The following DNAH3 variants were observed in gnomAD, a reference collection of about 807,000 sequenced individuals.
The protein encoded by DNAH3 is axonemal beta dynein heavy chain 3.
Under a neutral mutation model 432.5 loss-of-function variants are expected in DNAH3, and 332 were observed. The ratio of observed to expected loss-of-function variants is 0.77; its 90% CI spans 0.70 to 0.84. The LOEUF (loss-of-function observed/expected upper bound fraction) is 0.84, where lower values mean the gene tolerates loss of function less well. DNAH3 is among the 40% of genes least tolerant of loss of function. The probability of loss-of-function intolerance (pLI) is 0.00; values close to 1 mark genes in which losing one functional copy is unlikely to be tolerated. For synonymous variants in DNAH3, 1,956 were observed against 1,900.2 expected (o/e 1.03, Z -0.76); for missense variants, 4,861 against 5,114.0 (o/e 0.95, Z 1.51).
At position 21,111,614 on chromosome 16, in the gene DNAH3, G is replaced by C. The variant is rs2092073684; in HGVS notation, c.2099+12C>G. On this transcript the variant is annotated intron_variant, in intron 14 of 61. Coordinates refer to ENST00000261383, the Ensembl canonical transcript of DNAH3. ...AATACCATTGCTATTTGTCTGCACA[G>C]AATTACAATACCTGGTATTGGTGTC... 3 of 1,605,862 alleles carry C rather than the reference G, an allele frequency of 1.9e-6. No individual in the cohort carries two copies. Among genetic ancestry groups the C allele is most frequent in the Non-Finnish European group, 1.7e-6 (2 of 1,173,284 alleles).
At chr16:21,116,951 G>C (rs1230040242) in intron 12 of DNAH3, among the ~76,000 whole-genome samples, 1 of 152,184 alleles carries the variant, frequency 6.6e-6, no homozygotes. Flanking sequence ...ACAACTATCA[G>C]ATAATGGAGG....
intron 44 of DNAH3, among the ~76,000 whole-genome samples, chr16:20,988,827 T>C (rs116494908): frequency 0.025 from 3,826 of 152,054 alleles, 181 homozygotes; most frequent in African/African-American, 0.088. Flanking sequence ...TCGAATGTGT[T>C]CGGAGTTTTT....
intron 19 of DNAH3, among the ~76,000 whole-genome samples, chr16:21,083,170 C>A (rs1187742824): frequency 6.6e-6 from 1 of 151,822 alleles, no homozygotes; most frequent in Non-Finnish European, 1.5e-5. Context: ...CGCATGGCAC[C>A]ACGCCCGGCT....
chr16:21,058,019 T>C lies in DNAH3; in HGVS notation c.3924+67A>G, dbSNP rs568315889. 3.8e-5 allele frequency: 37 copies of C among 968,456 alleles called. No homozygotes were observed. The African/African-American group carries it at 5.3e-4, about 14-fold the overall frequency. 60.0% of individuals were successfully genotyped at this position (968,456 alleles called of 1,614,324 possible). On this transcript the variant is annotated intron_variant, in intron 27 of 61. Transcript: ENST00000261383. ...AGACAACAAAACATGGCTACTCTAA[T>C]TATACGTCATTCAAATCCTAATTGA... is the stretch of plus-strand genomic sequence containing the variant.
intron 31 of DNAH3, among the ~76,000 whole-genome samples, chr16:21,043,219 C>T (rs62034890): frequency 2.0e-5 from 3 of 151,184 alleles, no homozygotes; most frequent in East Asian, 1.9e-4. Flanking sequence ...ATGGTATTTC[C>T]AGTTCTAGAT....
chr16:20,948,178 T>C (rs1351913943), intron 57 of DNAH3, among the ~76,000 whole-genome samples: 2 of 152,224 alleles, frequency 1.3e-5, no homozygotes, highest in Admixed American at 1.3e-4. Context: ...AATCTTCGTC[T>C]TCAAGTAGCA....
At chr16:20,993,354 T>C (rs568066434) in intron 44 of DNAH3, among the ~76,000 whole-genome samples, 17 of 152,314 alleles carry the variant, frequency 1.1e-4, no homozygotes, top group Admixed American at 3.3e-4. Flanking sequence ...AATAACCATA[T>C]ATTTAATGCT....
chr16:20,933,502 G>A lies in DNAH3; in HGVS notation c.12003C>T (p.Thr4001=), dbSNP rs35534240. Reference sequence around the variant, plus strand: ...TATTCTCCATCACTGTTTCTTGTGGGGTTACCTGGAAGAATAAAAAGCTAT... The same window carrying A: ...TATTCTCCATCACTGTTTCTTGTGGAGTTACCTGGAAGAATAAAAAGCTAT... Residue 4001 remains threonine, a synonymous_variant, in exon 62 of 62, where the codon ACC becomes ACT. Transcript: ENST00000261383. The A allele has an allele frequency of 4.4e-6, 7 of 1,578,270 alleles. No individual in the cohort carries two copies. The South Asian group carries it at 7.0e-5, about 16-fold the overall frequency.
At chr16:21,035,508 T>G (rs1265799451) in intron 35 of DNAH3, among the ~76,000 whole-genome samples, 1 of 152,152 alleles carries the variant, frequency 6.6e-6, no homozygotes, top group Non-Finnish European at 1.5e-5. Context: ...ATCCGCAAAT[T>G]ACTTTGAAAT....
intron 5 of DNAH3, among the ~76,000 whole-genome samples, chr16:21,137,614 G>C (rs1314189248): frequency 6.6e-6 from 1 of 151,850 alleles, no homozygotes; most frequent in African/African-American, 2.4e-5. Context: ...GTGGAGACGG[G>C]GTTTCACCAT....
At chr16:21,080,484 C>T (rs935248582) in intron 20 of DNAH3, among the ~76,000 whole-genome samples, 3 of 152,136 alleles carry the variant, frequency 2.0e-5, no homozygotes, top group Admixed American at 6.5e-5. Context: ...AGTATGTCTT[C>T]GAAATCCAGC....
At chr16:20,998,227 T>C (rs1007159859) in intron 43 of DNAH3, among the ~76,000 whole-genome samples, 16 of 152,144 alleles carry the variant, frequency 1.1e-4, no homozygotes, top group African/African-American at 3.9e-4. Context: ...GATGAGACCC[T>C]AGGCCTTGAG....
At chr16:21,129,642 C>A (rs1213751421) in intron 7 of DNAH3, among the ~76,000 whole-genome samples, 2 of 151,320 alleles carry the variant, frequency 1.3e-5, no homozygotes, top group African/African-American at 2.4e-5. Context: ...GAGGCTGAGG[C>A]AGGAGAATTG....
At chr16:21,068,907 T>C (rs2090672827) in intron 23 of DNAH3, among the ~76,000 whole-genome samples, 1 of 152,002 alleles carries the variant, frequency 6.6e-6, no homozygotes, top group Non-Finnish European at 1.5e-5. Context: ...CTATGTTACA[T>C]ATTTGTATTT....
chr16:20,936,733 G>C, exon 60 of DNAH3: 1 of 1,610,648 alleles, frequency 6.2e-7, no homozygotes. Context: ...CTGCCCACAT[G>C]GCTGGCACTT....
intron 42 of DNAH3, among the ~76,000 whole-genome samples, chr16:21,001,600 T>C (rs1157650733): frequency 1.3e-5 from 2 of 152,118 alleles, no homozygotes; most frequent in African/African-American, 4.8e-5. Flanking sequence ...GACAAGGGAA[T>C]TAAAGTTGAG....
chr16:20,954,934 G>T (rs1337243921), exon 55 of DNAH3: 2 of 1,614,172 alleles, frequency 1.2e-6, no homozygotes, highest in Admixed American at 1.7e-5. Context: ...CTGAGATGGG[G>T]TCATTGAGGT....
chr16:21,132,309 C>T (rs972194407), intron 7 of DNAH3, among the ~76,000 whole-genome samples: 4 of 152,160 alleles, frequency 2.6e-5, no homozygotes, highest in Non-Finnish European at 2.9e-5. Flanking sequence ...CTAATAAGTT[C>T]GGCCAATCAA....
In DNAH3 at chr16:21,134,310, A is replaced by G; in HGVS notation, c.1031T>C (p.Leu344Pro). 1 of 1,614,120 alleles carries G rather than the reference A, an allele frequency of 6.2e-7. No homozygotes were observed. The highest frequency in any genetic ancestry group is 8.5e-7 in the Non-Finnish European group (1 of 1,179,990). ...GAGCATCATGGGGTTCACCGTGTGC[A>G]GATGCTCCTCGTTCCACTTCTTGGC... is the stretch of plus-strand genomic sequence containing the variant. The change falls in exon 7 of 62, where the codon CTG becomes CCG. Residue 344 changes from leucine to proline, a missense_variant. Transcript: ENST00000261383.
Sources: allele counts gnomAD v4.1 joint callset (sites outside exome capture counted in the v4.1 genomes callset), GRCh38; gene constraint gnomAD v4.1.1; transcripts MANE v1.5; gene names NCBI Gene and HGNC (gene_info 2026-07-23, HGNC 2026-07-21).